CASD1: variants seen among roughly 807,000 people sequenced by gnomAD.
The protein encoded by CASD1 is N-acetylneuraminate (7)9-O-acetyltransferase.
Under a neutral mutation model 100.0 loss-of-function variants are expected in CASD1, and 41 were observed. That is an observed-to-expected ratio of 0.41 (90% confidence interval 0.32 to 0.53). The LOEUF (loss-of-function observed/expected upper bound fraction) is 0.53. Ranked by LOEUF, CASD1 falls within the 20% of genes least tolerant of loss-of-function variation. The pLI is 0.25. For missense variants in CASD1, 774 were observed against 948.7 expected (o/e 0.82, Z 2.42); for synonymous variants, 321 against 315.6 (o/e 1.02, Z -0.18).
At chr7:94,552,286 CTG>C (rs1795987701) in intron 15 of CASD1, 62 bp from the exon 16 acceptor site, 5 of 1,052,826 alleles carry the variant, frequency 4.7e-6, no homozygotes, top group Non-Finnish European at 7.2e-6. Context: ...AAAAAAAACA[CTG>C]TGAGGCTTAT....
intron 1 of CASD1, among the ~76,000 whole-genome samples, chr7:94,511,398 C>T (rs1445631279): frequency 6.6e-6 from 1 of 152,148 alleles, no homozygotes; most frequent in East Asian, 1.9e-4. Flanking sequence ...TTATTTCTTC[C>T]AACTCTTGAG....
chr7:94,576,675 A>C, the CASD1 span, among the ~76,000 whole-genome samples: 1 of 152,220 alleles, frequency 6.6e-6, no homozygotes, highest in African/African-American at 2.4e-5. Context: ...CTTTCCTAGC[A>C]ACACTTCACA....
the CASD1 span, among the ~76,000 whole-genome samples, chr7:94,606,412 T>C: frequency 6.6e-6 from 1 of 152,200 alleles, no homozygotes; most frequent in African/African-American, 2.4e-5. Context: ...AAGAGGTCAA[T>C]TCTTTAAGAA....
At chr7:94,596,949 C>G in the CASD1 span, among the ~76,000 whole-genome samples, 1 of 151,874 alleles carries the variant, frequency 6.6e-6, no homozygotes, top group Non-Finnish European at 1.5e-5. Flanking sequence ...AATGATAAAG[C>G]CATTTCATAA....
chr7:94,549,530 C>T lies in CASD1; in HGVS notation c.1714-3C>T, dbSNP rs1562949068. 1.3e-6 allele frequency: 2 copies of T among 1,593,740 alleles called. No individual in the cohort carries two copies. Among genetic ancestry groups the T allele is most frequent in the Non-Finnish European group, 1.7e-6 (2 of 1,170,560 alleles). ...AATTTATTTTCTGGATTCCTTTTTT[C>T]AGGGTGCATTTGAGAAGATCTTTTC... On this transcript the variant is annotated splice_polypyrimidine_tract_variant and splice_region_variant and intron_variant, in intron 13 of 17. Transcript: ENST00000297273.
At chr7:94,622,719 C>G in the CASD1 span, 1 of 151,704 alleles carries the variant, frequency 6.6e-6, no homozygotes, top group Non-Finnish European at 1.5e-5. Context: ...TCTGAGAATA[C>G]TTCCTTATCC....
the CASD1 span, chr7:94,590,035 A>T: frequency 6.6e-6 from 1 of 152,080 alleles, no homozygotes; most frequent in Admixed American, 6.6e-5. Flanking sequence ...CCTTGTATCT[A>T]TCTGCAGATT....
the CASD1 span, among the ~76,000 whole-genome samples, chr7:94,569,812 C>CTTTTTTTTTTTTTTTTTTTT: frequency 7.1e-6 from 1 of 140,198 alleles, no homozygotes. Context: ...CAATCTCTGA[C>CTTTTTTTTTTTTTTTTTTTT]TTTTTTTTTT....
chr7:94,582,874 C>A, the CASD1 span, among the ~76,000 whole-genome samples: 2 of 152,288 alleles, frequency 1.3e-5, no homozygotes, highest in Non-Finnish European at 2.9e-5. Flanking sequence ...ACCATTGCAT[C>A]CTTAGAACAC....
At chr7:94,543,848 G>A (rs1448440437) in intron 10 of CASD1, among the ~76,000 whole-genome samples, 1 of 152,120 alleles carries the variant, frequency 6.6e-6, no homozygotes, top group Non-Finnish European at 1.5e-5. Context: ...CAACTTAGAA[G>A]TAAAGATGTG....
the CASD1 span, among the ~76,000 whole-genome samples, chr7:94,579,676 T>C: frequency 6.6e-6 from 1 of 152,216 alleles, no homozygotes; most frequent in South Asian, 2.1e-4. Context: ...CTTTAGCTGC[T>C]GCATGAATGT....
At chr7:94,545,402 G>C (rs1212657283) in intron 11 of CASD1, 143 bp from the exon 12 acceptor site, 1 of 515,156 alleles carries the variant, frequency 1.9e-6, no homozygotes, top group African/African-American at 1.9e-5. Context: ...TAATTTAAGG[G>C]ATTAGTAATA....
chr7:94,522,966 T>C (rs1024681322), intron 3 of CASD1, among the ~76,000 whole-genome samples: 8 of 152,156 alleles, frequency 5.3e-5, no homozygotes, highest in Admixed American at 2.0e-4. Context: ...CGGCCAACTT[T>C]TTATTTTTAA....
the CASD1 span, among the ~76,000 whole-genome samples, chr7:94,580,487 A>G: frequency 1.6e-4 from 25 of 152,280 alleles, no homozygotes; most frequent in East Asian, 9.7e-4. Context: ...ACATTTCCCT[A>G]AATTTTTATT....
chr7:94,625,334 A>G, the CASD1 span: 3 of 152,036 alleles, frequency 2.0e-5, no homozygotes, highest in Non-Finnish European at 2.9e-5. Flanking sequence ...AAGTCACTAT[A>G]TTATATGAAA....
chr7:94,604,015 C>T, the CASD1 span, among the ~76,000 whole-genome samples: 2 of 152,022 alleles, frequency 1.3e-5, no homozygotes, highest in African/African-American at 4.8e-5. Context: ...ATTAGAAGGC[C>T]TTGCAATCTT....
At chr7:94,512,814 G>C (rs1360764619) in intron 1 of CASD1, among the ~76,000 whole-genome samples, 1 of 152,078 alleles carries the variant, frequency 6.6e-6, no homozygotes, top group African/African-American at 2.4e-5. Flanking sequence ...CTAATAATCA[G>C]TGGTCTTAGA....
the CASD1 span, among the ~76,000 whole-genome samples, chr7:94,576,555 C>T: frequency 6.6e-6 from 1 of 152,188 alleles, no homozygotes; most frequent in Admixed American, 6.5e-5. Context: ...TGGTTTTGCT[C>T]TGTGGTGAAG....
chr7:94,582,259 A>C, the CASD1 span, among the ~76,000 whole-genome samples: 2 of 152,126 alleles, frequency 1.3e-5, no homozygotes, highest in African/African-American at 4.8e-5. Context: ...CTTGGATTAC[A>C]GGTGCCCGCC....
Sources: gnomAD v4.1 joint callset for allele counts (sites outside exome capture counted in the v4.1 genomes callset) on GRCh38, gnomAD v4.1.1 for gene constraint, MANE v1.5 for transcripts, NCBI Gene and HGNC (gene_info 2026-07-23, HGNC 2026-07-21) for gene names.